The following FRMD6 variants were observed in gnomAD, a reference collection of about 807,000 sequenced individuals.
The protein encoded by FRMD6 is FERM domain containing 6.
In FRMD6, 37 loss-of-function variants were observed where a neutral mutation model predicts 73.2. The observed-to-expected ratio is 0.51, with a 90% CI of 0.39 to 0.66. FRMD6 has a LOEUF of 0.66. Ranked by LOEUF, FRMD6 falls within the 30% of genes least tolerant of loss-of-function variation. The pLI, the probability that FRMD6 is intolerant of heterozygous loss-of-function variation, is 0.00. For synonymous variants in FRMD6, 273 were observed against 282.2 expected (o/e 0.97, Z 0.33); for missense variants, 714 against 780.5 (o/e 0.91, Z 1.02).
chr14:51,696,130 A>G (rs994238023), intron 2 of FRMD6, among the ~76,000 whole-genome samples: 3 of 151,504 alleles, frequency 2.0e-5, no homozygotes, highest in African/African-American at 7.3e-5. Flanking sequence ...TTTAATATAT[A>G]TATTTAATAA....
In FRMD6 at chr14:51,709,294, A is replaced by G. The variant is rs573528062; in HGVS notation, c.714+1061A>G. ...TTCCCCATAGTTAAAGGGGACAGCA[A>G]CATACCTGCTTTTTAGGATTGCTGA... On this transcript the variant is annotated intron_variant, in intron 7 of 13. Coordinates refer to ENST00000344768, the MANE Select transcript of FRMD6 (RefSeq NM_001267046.2). Among the ~76,000 whole-genome samples the G allele has an allele frequency of 3.9e-5, 6 of 152,296 alleles. No homozygotes were observed. The South Asian group carries it at 6.2e-4, about 16-fold the overall frequency.
the FRMD6 span, among the ~76,000 whole-genome samples, chr14:51,441,411 C>T: frequency 2.6e-5 from 4 of 152,248 alleles, no homozygotes; most frequent in South Asian, 4.1e-4. Context: ...GTCCCACTTT[C>T]ACTCTGCTTA....
At chr14:51,409,500 A>G in the FRMD6 span, among the ~76,000 whole-genome samples, 2 of 152,146 alleles carry the variant, frequency 1.3e-5, no homozygotes, top group African/African-American at 4.8e-5. Context: ...AGAAGTGGAT[A>G]TCATCTTTAC....
intron 6 of FRMD6, among the ~76,000 whole-genome samples, chr14:51,705,915 C>T (rs1896598730): frequency 6.6e-6 from 1 of 152,168 alleles, no homozygotes; most frequent in Non-Finnish European, 1.5e-5. Context: ...CTACTCACAT[C>T]TTGGGAGATC....
chr14:51,574,936 C>T (rs745932052), intron 2 of FRMD6, among the ~76,000 whole-genome samples: 1 of 151,568 alleles, frequency 6.6e-6, no homozygotes, highest in Non-Finnish European at 1.5e-5. Context: ...ATCTTATGTG[C>T]CCTATAAATA....
chr14:51,600,742 A>T (rs8015142), intron 2 of FRMD6, among the ~76,000 whole-genome samples: 7 of 152,088 alleles, frequency 4.6e-5, no homozygotes, highest in East Asian at 1.9e-4. Context: ...GCAATATAAG[A>T]GAAAAATGTT....
chr14:51,654,231 T>A (rs1892648021), intron 1 of FRMD6, among the ~76,000 whole-genome samples: 1 of 144,838 alleles, frequency 6.9e-6, no homozygotes, highest in Non-Finnish European at 1.5e-5. Context: ...GAAAGCAAAA[T>A]GCCAGTGTGC....
At chr14:51,480,715 G>A in the FRMD6 span, among the ~76,000 whole-genome samples, 2 of 152,154 alleles carry the variant, frequency 1.3e-5, no homozygotes, top group African/African-American at 4.8e-5. Flanking sequence ...CTATACTTTA[G>A]TTTCCTCCTG....
intron 1 of FRMD6, among the ~76,000 whole-genome samples, chr14:51,658,967 A>G (rs947901995): frequency 2.0e-5 from 3 of 152,242 alleles, no homozygotes; most frequent in African/African-American, 7.2e-5. Context: ...AATTTAGCAT[A>G]TGTAATGTTA....
At chr14:51,565,027 G>C (rs1887698564) in intron 1 of FRMD6, among the ~76,000 whole-genome samples, 1 of 152,152 alleles carries the variant, frequency 6.6e-6, no homozygotes, top group Non-Finnish European at 1.5e-5. Context: ...TAAAAGTCTT[G>C]AGCGAAAACT....
upstream of FRMD6, among the ~76,000 whole-genome samples, chr14:51,488,748 T>C (rs1185566969): frequency 6.6e-6 from 1 of 152,228 alleles, no homozygotes; most frequent in Non-Finnish European, 1.5e-5. Flanking sequence ...CCTTTCCTCT[T>C]TGGGGAAACA....
intron 2 of FRMD6, among the ~76,000 whole-genome samples, chr14:51,601,837 AT>A (rs1363221540): frequency 2.0e-5 from 3 of 152,172 alleles, no homozygotes; most frequent in Non-Finnish European, 4.4e-5. Flanking sequence ...TAATTTAGTC[AT>A]TTAATTTCTT....
intron 2 of FRMD6, among the ~76,000 whole-genome samples, chr14:51,613,260 A>C (rs902859875): frequency 2.0e-5 from 3 of 152,202 alleles, no homozygotes; most frequent in Non-Finnish European, 4.4e-5. Flanking sequence ...CATTGGTGAC[A>C]AAGAAACACA....
At chr14:51,625,270 T>C (rs374560219) in intron 2 of FRMD6, among the ~76,000 whole-genome samples, 4 of 152,228 alleles carry the variant, frequency 2.6e-5, no homozygotes, top group South Asian at 2.1e-4. Flanking sequence ...GAGGTGGTAG[T>C]GGTGTTGGAG....
chr14:51,396,764 T>C, the FRMD6 span, among the ~76,000 whole-genome samples: 10 of 152,226 alleles, frequency 6.6e-5, no homozygotes, highest in Non-Finnish European at 1.3e-4. Context: ...GTAGGCCAAA[T>C]TAGTCAGCCA....
At chr14:51,656,570 C>T (rs531709785) in intron 1 of FRMD6, among the ~76,000 whole-genome samples, 50 of 152,154 alleles carry the variant, frequency 3.3e-4, no homozygotes, top group African/African-American at 1.1e-3. Context: ...CCTGCCACCA[C>T]GCCCATCTAA....
At chr14:51,428,939 A>AG in the FRMD6 span, among the ~76,000 whole-genome samples, 2 of 78,598 alleles carry the variant, frequency 2.5e-5, no homozygotes, top group Non-Finnish European at 5.0e-5. Flanking sequence ...AGAGAGAGAG[A>AG]AGGGGAGAGA....
chr14:51,411,579 C>T, the FRMD6 span, among the ~76,000 whole-genome samples: 1 of 152,184 alleles, frequency 6.6e-6, no homozygotes, highest in Non-Finnish European at 1.5e-5. Context: ...TATTCGATTT[C>T]CCTAACTCCA....
chr14:51,642,196 T>TGA (rs1050607442), intron 2 of FRMD6, among the ~76,000 whole-genome samples: 190 of 151,642 alleles, frequency 1.3e-3, no homozygotes, highest in African/African-American at 3.0e-3. Flanking sequence ...GGGAACATAG[T>TGA]GAGAGAGAGA....
Sources: allele counts gnomAD v4.1 joint callset (sites outside exome capture counted in the v4.1 genomes callset), GRCh38; gene constraint gnomAD v4.1.1; transcripts MANE v1.5; gene names NCBI Gene and HGNC (gene_info 2026-07-23, HGNC 2026-07-21).